The following BLK variants were observed in gnomAD, a reference collection of about 807,000 sequenced individuals.
BLK encodes tyrosine-protein kinase Blk.
In BLK, 64 loss-of-function variants were observed where a neutral mutation model predicts 61.8. That is an observed-to-expected ratio of 1.03 (90% CI 0.85 to 1.27). The LOEUF (loss-of-function observed/expected upper bound fraction) is 1.27. BLK is among the 50% of genes most tolerant of loss of function. The probability of loss-of-function intolerance (pLI) is 0.00; values close to 1 mark genes in which losing one functional copy is unlikely to be tolerated. For missense variants in BLK, 853 were observed against 660.5 expected, an observed-to-expected ratio of 1.29 and a Z score of -3.19; for synonymous variants, 351 against 272.0, an observed-to-expected ratio of 1.29 and a Z score of -2.86.
chr8:11,542,188 A>G (rs563033102), intron 1 of BLK, among the ~76,000 whole-genome samples: 5 of 152,224 alleles, frequency 3.3e-5, no homozygotes, highest in Non-Finnish European at 7.3e-5. Flanking sequence ...TTAATTATGT[A>G]TCACTAAAAG....
chr8:11,558,048 G>C lies in BLK; in HGVS notation c.1029+10G>C. ...TGACATGTCGGCGCAGGTTGGTGAA[G>C]TACCAGGTGCAGAGAAAGGGCGGCA... On this transcript the variant is annotated intron_variant, in intron 10 of 12. Coordinates refer to ENST00000259089, the MANE Select transcript of BLK (RefSeq NM_001715.3). 2.5e-6 allele frequency: 4 copies of C among 1,613,938 alleles called. No individual in the cohort carries two copies. The highest frequency in any genetic ancestry group is 1.3e-5 in the African/African-American group (1 of 75,060).
At chr8:11,528,242 G>A (rs56018504) in intron 1 of BLK, among the ~76,000 whole-genome samples, 15,681 of 152,154 alleles carry the variant, frequency 0.1, 1,077 homozygotes, top group Non-Finnish European at 0.16. Flanking sequence ...TTGCTGTGTT[G>A]TCCAGGCTGG....
intron 1 of BLK, among the ~76,000 whole-genome samples, chr8:11,495,819 A>G (rs1209153875): frequency 1.3e-5 from 2 of 152,156 alleles, no homozygotes; most frequent in Non-Finnish European, 2.9e-5. Context: ...TTGTGGTAAC[A>G]ATTACTGCTT....
chr8:11,544,205 T>A (rs1800516225), intron 2 of BLK, among the ~76,000 whole-genome samples: 1 of 152,212 alleles, frequency 6.6e-6, no homozygotes, highest in Admixed American at 6.5e-5. Context: ...CCTCAGGTGA[T>A]CCACCTGCCT....
At chr8:11,502,072 T>C (rs916776865) in intron 1 of BLK, among the ~76,000 whole-genome samples, 1 of 152,190 alleles carries the variant, frequency 6.6e-6, no homozygotes, top group Non-Finnish European at 1.5e-5. Context: ...TGAACATGGG[T>C]TCGAGATGCG....
chr8:11,563,415 T>C (rs1585426576), intron 12 of BLK, among the ~76,000 whole-genome samples: 1 of 152,348 alleles, frequency 6.6e-6, no homozygotes, highest in South Asian at 2.1e-4. Flanking sequence ...TGAGGACAGG[T>C]TGTGCCTACC....
intron 1 of BLK, among the ~76,000 whole-genome samples, chr8:11,541,534 G>T (rs548875565): frequency 7.4e-5 from 11 of 147,810 alleles, no homozygotes; most frequent in African/African-American, 2.7e-4. Context: ...GTCTCACTCT[G>T]TTGCCCAGGC....
chr8:11,522,253 A>G (rs1428861045), intron 1 of BLK, among the ~76,000 whole-genome samples: 2 of 152,250 alleles, frequency 1.3e-5, no homozygotes, highest in African/African-American at 4.8e-5. Context: ...AGAGGCAAAG[A>G]ATCCATATAA....
At chr8:11,517,309 C>T (rs892020850) in intron 1 of BLK, among the ~76,000 whole-genome samples, 3 of 152,180 alleles carry the variant, frequency 2.0e-5, no homozygotes, top group African/African-American at 7.2e-5. Context: ...AGAGAAAGAG[C>T]ATGAGGAAGA....
At position 11,526,287 on chromosome 8, in the gene BLK, T is replaced by C. The variant is rs181293566; in HGVS notation, c.-1-16937T>C. ...TAGTGATTGGCTTTATGACTTTAAA[T>C]AATATATTTAAATGTTTACGTCTCA... On this transcript the variant is annotated intron_variant, in intron 1 of 12. Transcript: ENST00000259089. Among the ~76,000 whole-genome samples, 434 of 152,372 alleles carry C rather than the reference T, an allele frequency of 2.8e-3. 4 individuals carry two copies. Among genetic ancestry groups the C allele is most frequent in the African/African-American group, 9.8e-3 (408 of 41,586 alleles).
At chr8:11,560,821 C>T (rs1253501240) in intron 10 of BLK, 1 of 457,474 alleles carries the variant, frequency 2.2e-6, no homozygotes, top group East Asian at 6.9e-5. Context: ...CATGTCAGGA[C>T]TGTGGCCCCT....
chr8:11,502,875 G>A (rs1228612095), intron 1 of BLK, among the ~76,000 whole-genome samples: 1 of 152,186 alleles, frequency 6.6e-6, no homozygotes, highest in Non-Finnish European at 1.5e-5. Flanking sequence ...AGGGGAAGGG[G>A]GGTGGGCCTG....
intron 1 of BLK, among the ~76,000 whole-genome samples, chr8:11,529,864 T>C (rs1252437058): frequency 6.6e-6 from 1 of 152,158 alleles, no homozygotes; most frequent in East Asian, 1.9e-4. Flanking sequence ...AAGTCCTAGC[T>C]TCAGGAGTCC....
chr8:11,496,036 A>G (rs1002628757), intron 1 of BLK, among the ~76,000 whole-genome samples: 1 of 152,240 alleles, frequency 6.6e-6, no homozygotes, highest in African/African-American at 2.4e-5. Context: ...ACTGGCGTTC[A>G]TGGCCTGGTG....
In BLK at chr8:11,556,654, T is replaced by C; in HGVS notation, c.773-4T>C. The C allele has an allele frequency of 1.2e-6, 2 of 1,614,056 alleles. No homozygotes were observed. The highest frequency in any genetic ancestry group is 4.5e-5 in the East Asian group (2 of 44,868). On this transcript the variant is annotated splice_polypyrimidine_tract_variant and splice_region_variant and intron_variant, in intron 8 of 12. Transcript: ENST00000259089. ...GATTGGCTTCTTCACTCCCCCGGGC[T>C]CAGGTTACTACAAAAACAACATGAA...
intron 1 of BLK, among the ~76,000 whole-genome samples, chr8:11,516,656 G>T (rs931332276): frequency 6.6e-6 from 1 of 152,206 alleles, no homozygotes; most frequent in Non-Finnish European, 1.5e-5. Context: ...CTACTTTAGG[G>T]ACTTCATTTA....
chr8:11,561,630 G>C (rs1801511199), intron 11 of BLK, among the ~76,000 whole-genome samples, 178 bp downstream of exon 11: 1 of 152,122 alleles, frequency 6.6e-6, no homozygotes, highest in East Asian at 1.9e-4. Context: ...CAGAATGGTA[G>C]TGCCCTGAGA....
chr8:11,516,598 C>T (rs4841546), intron 1 of BLK, among the ~76,000 whole-genome samples: 38,257 of 152,200 alleles, frequency 0.25, 6,450 homozygotes, highest in East Asian at 0.72. Flanking sequence ...CGACCCAGCC[C>T]CCAGCCCCTG....
intron 6 of BLK, among the ~76,000 whole-genome samples, chr8:11,550,973 C>A (rs758202729): frequency 9.9e-5 from 15 of 152,176 alleles, no homozygotes; most frequent in Non-Finnish European, 2.1e-4. Flanking sequence ...CCCAGACCAC[C>A]AGGAGCCCCC....
Sources: gnomAD v4.1 joint callset for allele counts (sites outside exome capture counted in the v4.1 genomes callset) on GRCh38, gnomAD v4.1.1 for gene constraint, MANE v1.5 for transcripts, NCBI Gene and HGNC (gene_info 2026-07-23, HGNC 2026-07-21) for gene names.